ORC3: variants seen among roughly 807,000 people sequenced by gnomAD.
ORC3 encodes origin recognition complex subunit 3, also known as homolog of latheo, Drosophila.
ORC3 carries 78 observed loss-of-function variants against 100.7 expected under a neutral mutation model. The observed-to-expected ratio is 0.77, with a 90% CI of 0.65 to 0.94. The LOEUF (loss-of-function observed/expected upper bound fraction) is 0.94, where lower values mean the gene tolerates loss of function less well. ORC3 is among the 40% of genes least tolerant of loss of function. ORC3 has a pLI of 0.00. For missense variants in ORC3, 789 were observed against 823.9 expected, an observed-to-expected ratio of 0.96 and a Z score of 0.52; for synonymous variants, 295 against 289.3, an observed-to-expected ratio of 1.02 and a Z score of -0.20.
At chr6:87,650,235 TG>T (rs1314342342) in intron 13 of ORC3, among the ~76,000 whole-genome samples, 1 of 152,036 alleles carries the variant, frequency 6.6e-6, no homozygotes, top group African/African-American at 2.4e-5. Flanking sequence ...TTCTATTTTT[TG>T]TAGGAATGAG....
chr6:87,641,894 A>G (rs1057082514), intron 13 of ORC3, among the ~76,000 whole-genome samples: 5 of 152,220 alleles, frequency 3.3e-5, no homozygotes, highest in Admixed American at 6.5e-5. Context: ...TTAAAGATCT[A>G]CTTAGGAAAA....
At chr6:87,675,709 A>G in the ORC3 span, 1 of 1,512,700 alleles carries the variant, frequency 6.6e-7, no homozygotes, top group East Asian at 2.3e-5. Context: ...TTAAGTAACC[A>G]AAAGACTTGC....
chr6:87,650,588 GT>G (rs753134215), intron 13 of ORC3, among the ~76,000 whole-genome samples: 7 of 152,120 alleles, frequency 4.6e-5, no homozygotes, highest in Non-Finnish European at 1.0e-4. Flanking sequence ...CTTTATTGGG[GT>G]TGGTTAAGTT....
intron 9 of ORC3, among the ~76,000 whole-genome samples, chr6:87,619,167 G>A (rs554987158): frequency 9.2e-5 from 14 of 152,184 alleles, no homozygotes; most frequent in Non-Finnish European, 1.6e-4. Context: ...AAGGAGAACC[G>A]GTAGAAAGTG....
chr6:87,658,456 CAA>C (rs34769498), intron 16 of ORC3, among the ~76,000 whole-genome samples: 6 of 133,284 alleles, frequency 4.5e-5, no homozygotes, highest in Non-Finnish European at 6.5e-5. Context: ...GACTCCGTCT[CAA>C]AAAAAAAAAA....
At position 87,609,215 on chromosome 6, in the gene ORC3, C is replaced by T; in HGVS notation, c.699C>T (p.Phe233=). 1.9e-6 allele frequency: 3 copies of T among 1,594,988 alleles called. No individual in the cohort carries two copies. The East Asian group carries it at 6.8e-5, about 36-fold the overall frequency. Residue 233 remains phenylalanine, a synonymous_variant, in exon 7 of 20, where the codon TTC becomes TTT. Transcript: ENST00000392844. ...TTGCCACAAAAGTACTACAAGACTT[C>T]ATAATTATCAGCAGGTAGATGGTGT... ...ESFATKVLQD[F]IIISSQHLHE... is the part of the protein sequence containing the mutation.
Position 87,667,213 on chromosome 6 carries a change from T to C in ORC3, c.*90T>C. On this transcript the variant is annotated 3_prime_UTR_variant, in exon 20 of 20. Coordinates refer to ENST00000392844, the MANE Select transcript of ORC3 (RefSeq NM_012381.4). Reference sequence around the variant, plus strand: ...TTACATATATTAGAGGAGCCTGTTTTGTTGAGAAGATAAATGTGTAACCCC... The same window carrying C: ...TTACATATATTAGAGGAGCCTGTTTCGTTGAGAAGATAAATGTGTAACCCC... 1 of 732,140 alleles carries C rather than the reference T, an allele frequency of 1.4e-6. No homozygotes were observed. The highest frequency in any genetic ancestry group is 1.9e-5 in the South Asian group (1 of 52,874). The allele number at this position is 732,140 out of a possible 1,614,324, so 45.4% of individuals were successfully genotyped here.
rs767774641 is a variant in ORC3 at position 87,667,174 on chromosome 6, G to GT, written c.*52dup. The GT allele has an allele frequency of 9.1e-7, 1 of 1,104,238 alleles. No homozygotes were observed. The highest frequency in any genetic ancestry group is 2.4e-5 in the East Asian group (1 of 41,952). The allele number at this position is 1,104,238 out of a possible 1,614,324, so 68.4% of individuals were successfully genotyped here. A position where few individuals can be genotyped will look rare whatever the true frequency, so the allele number is the denominator to read the frequency against. On this transcript the variant is annotated 3_prime_UTR_variant, in exon 20 of 20. Transcript: ENST00000392844. ...ATCACATTTAGCTTAAGAGAAAAAG[G>GT]TGACCAGTCATATTTACATATATTA...
In ORC3 at chr6:87,612,158, A is replaced by G. The variant is rs764637897; in HGVS notation, c.783A>G (p.Arg261=). 3 of 1,613,528 alleles carry G rather than the reference A, an allele frequency of 1.9e-6. No homozygotes were observed. Among genetic ancestry groups the G allele is most frequent in the Non-Finnish European group, 1.7e-6 (2 of 1,179,738 alleles). Reference sequence around the variant, plus strand: ...CCACATCTCCTATTATCATCCACCGATTGCTTCCTCATGCAGTATCATCTC... The same window carrying G: ...CCACATCTCCTATTATCATCCACCGGTTGCTTCCTCATGCAGTATCATCTC... The part of the protein sequence containing the change: ...GIATSPIIIH[R]LLPHAVSSLL... The change falls in exon 8 of 20, where the codon CGA becomes CGG. Residue 261 remains arginine, a synonymous_variant. Transcript: ENST00000392844.
intron 4 of ORC3, among the ~76,000 whole-genome samples, chr6:87,603,850 A>G (rs1778147405): frequency 6.6e-6 from 1 of 152,228 alleles, no homozygotes. Flanking sequence ...AGATTTGGTA[A>G]TAAAGAAACT....
chr6:87,666,982 T>C (rs772855650), intron 19 of ORC3, 36 bp from the exon 20 acceptor site: 1 of 1,321,664 alleles, frequency 7.6e-7, no homozygotes, highest in South Asian at 1.3e-5. Context: ...TTGTCAAAAA[T>C]ACAGCACGGC....
In ORC3 at chr6:87,621,952, A is replaced by G. The variant is rs776673161; in HGVS notation, c.1124A>G (p.Tyr375Cys). ...GTATGGAATGGTGAAAATTCTAGGT[A>G]CGTGGAAAAGCAAGCTTCAGAAAAG... ...NIRRLPSFRR[Y>C]VEKQASEKQV... The change falls in exon 11 of 20, where the codon TAC (tyrosine) becomes TGC (cysteine). Residue 375 changes from tyrosine to cysteine, a missense_variant and splice_region_variant. By Grantham distance (194) the Tyr-to-Cys change is radical. Transcript: ENST00000392844. 1 of 1,601,748 alleles carries G rather than the reference A, an allele frequency of 6.2e-7. No individual in the cohort carries two copies. Among genetic ancestry groups the G allele is most frequent in the Non-Finnish European group, 8.5e-7 (1 of 1,170,662 alleles).
chr6:87,621,781 A>G (rs1051204415), intron 10 of ORC3, among the ~76,000 whole-genome samples, 169 bp from the exon 11 acceptor site: 1 of 152,132 alleles, frequency 6.6e-6, no homozygotes, highest in African/African-American at 2.4e-5. Flanking sequence ...AGCTGATTTA[A>G]GGAGTTTAAA....
chr6:87,629,323 T>C (rs1780141291), intron 11 of ORC3, among the ~76,000 whole-genome samples: 1 of 152,254 alleles, frequency 6.6e-6, no homozygotes, highest in Non-Finnish European at 1.5e-5. Flanking sequence ...TATAGTCATT[T>C]TTACATACTT....
intron 11 of ORC3, among the ~76,000 whole-genome samples, chr6:87,624,185 A>G (rs1300126226): frequency 1.3e-5 from 2 of 152,132 alleles, no homozygotes; most frequent in Admixed American, 6.5e-5. Flanking sequence ...AGTGTCTAAG[A>G]AAAAATGAAT....
In ORC3 at chr6:87,655,098, A is replaced by G. The variant is rs116676496; in HGVS notation, c.1517-1808A>G. 9.1e-3 allele frequency among the ~76,000 whole-genome samples: 1,390 copies of G among 152,332 alleles called. 21 individuals carry two copies. The highest frequency in any genetic ancestry group is 0.031 in the African/African-American group (1,297 of 41,568). Reference sequence around the variant, plus strand: ...GTTGGATGAGTAGAAATATTTGGCTATATGCTATCTGTGTTCCTTAACATT... The same window carrying G: ...GTTGGATGAGTAGAAATATTTGGCTGTATGCTATCTGTGTTCCTTAACATT... On this transcript the variant is annotated intron_variant, in intron 14 of 19. Transcript: ENST00000392844.
At chr6:87,673,817 GT>G in the ORC3 span, among the ~76,000 whole-genome samples, 2 of 151,752 alleles carry the variant, frequency 1.3e-5, no homozygotes, top group East Asian at 3.9e-4. Context: ...CTCCAGCCTG[GT>G]GACAGAGCAA....
chr6:87,672,709 T>C, the ORC3 span, among the ~76,000 whole-genome samples: 6 of 152,188 alleles, frequency 3.9e-5, no homozygotes, highest in African/African-American at 1.4e-4. Context: ...TCTCTGGGGA[T>C]AGGTAGAGCC....
Position 87,665,841 on chromosome 6 carries a change from T to C in ORC3, c.2030+8T>C. The C allele has an allele frequency of 6.5e-7, 1 of 1,533,968 alleles. No individual in the cohort carries two copies. Among genetic ancestry groups the C allele is most frequent in the Non-Finnish European group, 9.0e-7 (1 of 1,108,316 alleles). On this transcript the variant is annotated splice_region_variant and intron_variant, in intron 19 of 19. Coordinates refer to ENST00000392844, the MANE Select transcript of ORC3 (RefSeq NM_012381.4). ...AATGAATGAAATTATCCAGTATCCT[T>C]TTAAAACCATTTCTACAATGTCCAA...
Sources: allele counts gnomAD v4.1 joint callset (sites outside exome capture counted in the v4.1 genomes callset), GRCh38; gene constraint gnomAD v4.1.1; transcripts MANE v1.5; gene names NCBI Gene and HGNC (gene_info 2026-07-23, HGNC 2026-07-21).